Variants in FRMD4B observed in about 807,000 individuals in gnomAD.
The protein encoded by FRMD4B is FERM domain-containing protein 4B.
In FRMD4B, 74 loss-of-function variants were observed where a neutral mutation model predicts 141.5. That is an observed-to-expected ratio of 0.52 (90% confidence interval 0.43 to 0.63). The LOEUF (loss-of-function observed/expected upper bound fraction) is 0.63, where lower values mean the gene tolerates loss of function less well. FRMD4B is among the 30% of genes least tolerant of loss of function. FRMD4B has a pLI of 0.00. For synonymous variants in FRMD4B, 506 were observed against 467.9 expected (o/e 1.08, Z -1.05); for missense variants, 1,366 against 1,253.4 (o/e 1.09, Z -1.36).
At chr3:69,356,971 C>T (rs1286541075) in intron 1 of FRMD4B, among the ~76,000 whole-genome samples, 1 of 152,068 alleles carries the variant, frequency 6.6e-6, no homozygotes, top group Non-Finnish European at 1.5e-5. Flanking sequence ...TATTTGCAAA[C>T]AAAAATATCC....
rs10554375 is a variant in FRMD4B at position 69,329,516 on chromosome 3, A to ATTTTTTTT, written c.163-16007_163-16000dup. Among the ~76,000 whole-genome samples the ATTTTTTTT allele has an allele frequency of 9.0e-5, 5 of 55,574 alleles. 1 individual carries two copies. Among genetic ancestry groups the ATTTTTTTT allele is most frequent in the South Asian group, 9.6e-4 (1 of 1,042 alleles). The allele number at this position is 55,574 out of a possible 152,430, so 36.5% of individuals were successfully genotyped here. ...AGGCATGCACCACCATGCCCAGCTA[A>ATTTTTTTT]TTTTTTTTTTTTTTTTTTTTTTTTT... On this transcript the variant is annotated intron_variant, in intron 1 of 22. Coordinates refer to ENST00000398540, the MANE Select transcript of FRMD4B (RefSeq NM_015123.3).
At chr3:69,500,857 C>A (rs559863721) in intron 1 of FRMD4B, among the ~76,000 whole-genome samples, 4 of 152,212 alleles carry the variant, frequency 2.6e-5, no homozygotes, top group East Asian at 1.9e-4. Context: ...TCAAGAAGCA[C>A]AAATAAAGAA....
At chr3:69,180,175 T>G (rs1235854169) in intron 21 of FRMD4B, among the ~76,000 whole-genome samples, 5 of 148,748 alleles carry the variant, frequency 3.4e-5, no homozygotes, top group Non-Finnish European at 4.4e-5. Context: ...GCAGGAGGGT[T>G]GCTTGAGGCC....
At chr3:69,231,852 C>T (rs574562973) in intron 7 of FRMD4B, among the ~76,000 whole-genome samples, 1 of 152,234 alleles carries the variant, frequency 6.6e-6, no homozygotes, top group East Asian at 1.9e-4. Flanking sequence ...CGATCGTTTC[C>T]ATAGTTTAGG....
intron 5 of FRMD4B, among the ~76,000 whole-genome samples, chr3:69,255,086 G>C (rs1359975278): frequency 6.6e-6 from 1 of 152,128 alleles, no homozygotes; most frequent in Non-Finnish European, 1.5e-5. Context: ...GGGACAACTG[G>C]ACTGTATATT....
chr3:69,355,539 C>T (rs1057486796), intron 1 of FRMD4B, among the ~76,000 whole-genome samples: 4 of 152,070 alleles, frequency 2.6e-5, no homozygotes, highest in Admixed American at 2.0e-4. Flanking sequence ...AAAATGTTTT[C>T]ACTGTTGAAG....
At chr3:69,408,174 T>A (rs774188882) in intron 2 of FRMD4B, among the ~76,000 whole-genome samples, 1 of 152,120 alleles carries the variant, frequency 6.6e-6, no homozygotes, top group South Asian at 2.1e-4. Context: ...AATTAATGCA[T>A]AGATGAAATG....
intron 1 of FRMD4B, among the ~76,000 whole-genome samples, chr3:69,385,279 A>G (rs983223246): frequency 1.3e-5 from 2 of 152,090 alleles, no homozygotes; most frequent in African/African-American, 4.8e-5. Context: ...ATCCTCCTGC[A>G]AAGTGTTCAC....
intron 1 of FRMD4B, among the ~76,000 whole-genome samples, chr3:69,385,078 A>G (rs1490480156): frequency 6.6e-6 from 1 of 152,088 alleles, no homozygotes. Flanking sequence ...AAAAAAAAAA[A>G]AAGAAATCCA....
In FRMD4B at chr3:69,267,158, T is replaced by C. The variant is rs1370191481; in HGVS notation, c.502-17059A>G. 2.6e-5 allele frequency among the ~76,000 whole-genome samples: 4 copies of C among 152,344 alleles called. No individual in the cohort carries two copies. The East Asian group carries it at 7.7e-4, about 29-fold the overall frequency. On this transcript the variant is annotated intron_variant, in intron 5 of 22. Coordinates refer to ENST00000398540, the MANE Select transcript of FRMD4B (RefSeq NM_015123.3). ...TCACCATGTTCCCAGATGTTTCTGA[T>C]TCATGTCCAACATGACATGTGTTTG... is the stretch of plus-strand genomic sequence containing the variant.
chr3:69,464,572 G>A (rs1486244908), intron 1 of FRMD4B, among the ~76,000 whole-genome samples: 1 of 152,114 alleles, frequency 6.6e-6, no homozygotes, highest in Non-Finnish European at 1.5e-5. Flanking sequence ...TTTTAAATGT[G>A]GAGACCCCTT....
intron 7 of FRMD4B, among the ~76,000 whole-genome samples, chr3:69,243,596 G>A (rs138239744): frequency 2.6e-5 from 4 of 152,300 alleles, no homozygotes; most frequent in Non-Finnish European, 4.4e-5. Context: ...TGGAAGTTAC[G>A]CACAGGCAGT....
chr3:69,213,010 T>A (rs969988942), intron 11 of FRMD4B, among the ~76,000 whole-genome samples: 1 of 152,138 alleles, frequency 6.6e-6, no homozygotes, highest in African/African-American at 2.4e-5. Flanking sequence ...CTCTCTCCAC[T>A]CCTACAAATG....
At chr3:69,185,128 G>A (rs9828687) in intron 19 of FRMD4B, among the ~76,000 whole-genome samples, 123,604 of 151,414 alleles carry the variant, frequency 0.82, 54,163 homozygotes, top group Non-Finnish European at 0.99. Flanking sequence ...ATGAAACACC[G>A]TCTCTACTAA....
intron 1 of FRMD4B, among the ~76,000 whole-genome samples, chr3:69,451,491 C>A (rs188197067): frequency 1.3e-5 from 2 of 152,280 alleles, no homozygotes; most frequent in Admixed American, 6.5e-5. Context: ...GGCCATGGTG[C>A]TGTCCTCCCT....
chr3:69,457,831 A>T, intron 1 of FRMD4B, among the ~76,000 whole-genome samples: 1 of 152,180 alleles, frequency 6.6e-6, no homozygotes, highest in East Asian at 1.9e-4. Flanking sequence ...GGTTCTAGCA[A>T]TATGGACAGC....
At chr3:69,270,581 T>TTTG (rs1421984677) in intron 5 of FRMD4B, among the ~76,000 whole-genome samples, 1 of 151,608 alleles carries the variant, frequency 6.6e-6, no homozygotes, top group Non-Finnish European at 1.5e-5. Flanking sequence ...TTTTTTTTTT[T>TTTG]TTTGAGACGG....
chr3:69,249,916 G>A lies in FRMD4B; in HGVS notation c.558+127C>T, dbSNP rs150287196. The A allele has an allele frequency of 1.9e-4, 134 of 688,154 alleles. No individual in the cohort carries two copies. In the South Asian group the frequency reaches 2.0e-3, roughly 10 times the overall value. The allele number at this position is 688,154 out of a possible 1,614,324, so 42.6% of individuals were successfully genotyped here. ...AAGACGGTGGCGCACATTTTTCATC[G>A]GCAAACAACTAACTGGCTTAAAAAT... is the stretch of plus-strand genomic sequence containing the variant. On this transcript the variant is annotated intron_variant, in intron 6 of 22. Transcript: ENST00000398540.
chr3:69,485,674 C>G (rs756622615), intron 1 of FRMD4B, among the ~76,000 whole-genome samples: 2 of 152,176 alleles, frequency 1.3e-5, no homozygotes, highest in Non-Finnish European at 2.9e-5. Context: ...GGTTGGGGAT[C>G]CAGGTCCTTG....
Sources: allele counts gnomAD v4.1 joint callset (sites outside exome capture counted in the v4.1 genomes callset), GRCh38; gene constraint gnomAD v4.1.1; transcripts MANE v1.5; gene names NCBI Gene and HGNC (gene_info 2026-07-23, HGNC 2026-07-21).